LHFPL3: variants seen among roughly 807,000 people sequenced by gnomAD.
LHFPL3 encodes LHFPL tetraspan subfamily member 3 protein.
A neutral mutation model predicts 19.3 loss-of-function variants in LHFPL3; 5 were observed. That is an observed-to-expected ratio of 0.26 (90% CI 0.14 to 0.54). LHFPL3 has a LOEUF of 0.54. LHFPL3 is among the 20% of genes least tolerant of loss of function. The probability of loss-of-function intolerance (pLI) is 0.94; values close to 1 mark genes in which losing one functional copy is unlikely to be tolerated. For synonymous variants in LHFPL3, 133 were observed against 126.2 expected (o/e 1.05, Z -0.36); for missense variants, 249 against 307.4 (o/e 0.81, Z 1.42).
At chr7:104,612,811 T>G (rs558279874) in intron 1 of LHFPL3, among the ~76,000 whole-genome samples, 14 of 152,276 alleles carry the variant, frequency 9.2e-5, no homozygotes, top group Admixed American at 7.2e-4. Flanking sequence ...CTTGCCAAAT[T>G]ATTCTCTTCC....
At chr7:104,675,145 G>A (rs1174697276) in intron 1 of LHFPL3, among the ~76,000 whole-genome samples, 1 of 152,236 alleles carries the variant, frequency 6.6e-6, no homozygotes, top group African/African-American at 2.4e-5. Flanking sequence ...CATGGTGGGA[G>A]GCAGTATACT....
chr7:104,547,794 GACA>G (rs200395452), intron 1 of LHFPL3, among the ~76,000 whole-genome samples: 1,906 of 152,262 alleles, frequency 0.013, 41 homozygotes, highest in African/African-American at 0.044. Context: ...TTAGGGACCA[GACA>G]AGCTTTCAGA....
At chr7:104,813,240 T>G (rs1000753758) in intron 2 of LHFPL3, among the ~76,000 whole-genome samples, 1 of 151,360 alleles carries the variant, frequency 6.6e-6, no homozygotes, top group African/African-American at 2.4e-5. Context: ...ATGGCACCAC[T>G]GCACTCCGGC....
At chr7:104,427,982 C>T (rs1439235654) in intron 1 of LHFPL3, among the ~76,000 whole-genome samples, 1 of 152,194 alleles carries the variant, frequency 6.6e-6, no homozygotes, top group Non-Finnish European at 1.5e-5. Context: ...CAGAGGAGAA[C>T]TTCTCTAATT....
intron 1 of LHFPL3, among the ~76,000 whole-genome samples, chr7:104,581,622 A>G (rs537067564): frequency 6.6e-6 from 1 of 152,014 alleles, no homozygotes; most frequent in South Asian, 2.1e-4. Context: ...TTGTAGCTTT[A>G]TTGTTTTACC....
intron 1 of LHFPL3, among the ~76,000 whole-genome samples, chr7:104,457,157 T>A (rs1383584277): frequency 6.6e-6 from 1 of 152,160 alleles, no homozygotes; most frequent in Non-Finnish European, 1.5e-5. Flanking sequence ...TTAGGGTACA[T>A]GTGCACAATG....
chr7:104,621,984 G>C (rs1054952200), intron 1 of LHFPL3, among the ~76,000 whole-genome samples: 1 of 152,150 alleles, frequency 6.6e-6, no homozygotes, highest in Admixed American at 6.5e-5. Context: ...TACAGCACAT[G>C]TGTTTATAAT....
rs1342534162 is a variant in LHFPL3, at chr7:104,479,946, G to C, written c.445+150722G>C. 2.0e-5 allele frequency among the ~76,000 whole-genome samples: 3 copies of C among 152,268 alleles called. No homozygotes were observed. In the East Asian group the frequency reaches 5.8e-4, roughly 29 times the overall value. ...TTCTCTACAATTAATGTATAAGATT[G>C]GGTAAATAGGTTTTATTATTTTCAT... On this transcript the variant is annotated intron_variant, in intron 1 of 2. Coordinates refer to ENST00000424859, the MANE Select transcript of LHFPL3 (RefSeq NM_199000.3).
intron 1 of LHFPL3, among the ~76,000 whole-genome samples, chr7:104,451,230 A>G (rs1792430720): frequency 6.6e-6 from 1 of 152,236 alleles, no homozygotes; most frequent in Non-Finnish European, 1.5e-5. Context: ...GAAAGAAAAG[A>G]AGGGATACCA....
At chr7:104,646,727 A>T (rs1303552737) in intron 1 of LHFPL3, among the ~76,000 whole-genome samples, 1 of 152,250 alleles carries the variant, frequency 6.6e-6, no homozygotes, top group Non-Finnish European at 1.5e-5. Flanking sequence ...ATCATTAGTC[A>T]CTAAGTTTAT....
At chr7:104,579,518 G>C (rs1051993549) in intron 1 of LHFPL3, among the ~76,000 whole-genome samples, 1 of 152,126 alleles carries the variant, frequency 6.6e-6, no homozygotes, top group Non-Finnish European at 1.5e-5. Flanking sequence ...CTGCCTAGTA[G>C]TCCATGGAGT....
chr7:104,658,876 C>T (rs1047000241), intron 1 of LHFPL3, among the ~76,000 whole-genome samples: 1 of 152,154 alleles, frequency 6.6e-6, no homozygotes, highest in Admixed American at 6.5e-5. Context: ...GAATTTTTGA[C>T]GCATACCCCA....
At chr7:104,635,040 T>C (rs1369550763) in intron 1 of LHFPL3, among the ~76,000 whole-genome samples, 1 of 152,170 alleles carries the variant, frequency 6.6e-6, no homozygotes, top group Non-Finnish European at 1.5e-5. Flanking sequence ...AATAAAATGT[T>C]ATGTATATTT....
At chr7:104,781,390 T>C (rs771937002) in intron 2 of LHFPL3, among the ~76,000 whole-genome samples, 1 of 152,126 alleles carries the variant, frequency 6.6e-6, no homozygotes, top group Non-Finnish European at 1.5e-5. Context: ...ATCTCTCCTG[T>C]CACAGTGGAA....
At chr7:104,410,556 T>A (rs890938390) in intron 1 of LHFPL3, among the ~76,000 whole-genome samples, 2 of 152,226 alleles carry the variant, frequency 1.3e-5, no homozygotes, top group East Asian at 1.9e-4. Flanking sequence ...AATGTAGGTG[T>A]CTGTTAGTGA....
chr7:104,724,828 A>G (rs1032718618), intron 1 of LHFPL3, among the ~76,000 whole-genome samples: 1 of 152,222 alleles, frequency 6.6e-6, no homozygotes, highest in Non-Finnish European at 1.5e-5. Flanking sequence ...GAGAACCCGT[A>G]CACACTACAG....
rs545178649 is a variant in LHFPL3, at chr7:104,778,323, C to T, written c.682+41412C>T. Among the ~76,000 whole-genome samples the T allele has an allele frequency of 1.2e-4, 19 of 152,194 alleles. No individual in the cohort carries two copies. The East Asian group carries it at 3.7e-3, about 29-fold the overall frequency. ...CCTTGTGCAGAGGCGGTGACCCTAC[C>T]CACCTTGGTCTCACTCATCCAGAAT... On this transcript the variant is annotated intron_variant, in intron 2 of 2. Transcript: ENST00000424859.
Position 104,906,315 on chromosome 7 carries a change from G to A in LHFPL3, c.*100G>A, listed in dbSNP as rs1381747484. 7.6e-7 allele frequency: 1 copy of A among 1,319,934 alleles called. No individual in the cohort carries two copies. Among genetic ancestry groups the A allele is most frequent in the Non-Finnish European group, 1.1e-6 (1 of 937,720 alleles). 81.8% of individuals were successfully genotyped at this position (1,319,934 alleles called of 1,614,324 possible). A position where few individuals can be genotyped will look rare whatever the true frequency, so the allele number is the denominator to read the frequency against. On this transcript the variant is annotated 3_prime_UTR_variant, in exon 3 of 3. Coordinates refer to ENST00000424859, the MANE Select transcript of LHFPL3 (RefSeq NM_199000.3). ...CAACATCAAGAAGGAATACGCCTGA[G>A]AGAGATCAGAGTATATAGATGAATA... is the stretch of plus-strand genomic sequence containing the variant.
intron 2 of LHFPL3, among the ~76,000 whole-genome samples, chr7:104,799,183 A>G (rs1790192731): frequency 6.6e-6 from 1 of 152,230 alleles, no homozygotes; most frequent in South Asian, 2.1e-4. Context: ...AAATGCAGTC[A>G]TCATTCCCTA....
Sources: allele counts gnomAD v4.1 joint callset (sites outside exome capture counted in the v4.1 genomes callset), GRCh38; gene constraint gnomAD v4.1.1; transcripts MANE v1.5; gene names NCBI Gene and HGNC (gene_info 2026-07-23, HGNC 2026-07-21).